USP8: variants seen among roughly 807,000 people sequenced by gnomAD.
USP8 encodes the protein ubiquitin specific peptidase 8, also known as ubiquitin carboxyl-terminal hydrolase 8.
Under a neutral mutation model 130.0 loss-of-function variants are expected in USP8, and 27 were observed. The ratio of observed to expected loss-of-function variants is 0.21; its 90% confidence interval spans 0.15 to 0.29. USP8 has a LOEUF of 0.29. Among genes scored for constraint, USP8 ranks in the 10% least tolerant of loss-of-function variants. USP8 has a pLI of 1.00. For synonymous variants in USP8, 392 were observed against 444.1 expected (o/e 0.88, Z 1.48); for missense variants, 1,029 against 1,312.2 (o/e 0.78, Z 3.33).
chr15:50,442,363 C>A (rs1567604278), intron 3 of USP8, among the ~76,000 whole-genome samples: 1 of 151,980 alleles, frequency 6.6e-6, no homozygotes, highest in African/African-American at 2.4e-5. Context: ...ATAGGGAGGG[C>A]AGGGGCAATA....
chr15:50,452,946 C>G (rs1167976130), intron 4 of USP8, among the ~76,000 whole-genome samples: 1 of 152,180 alleles, frequency 6.6e-6, no homozygotes, highest in Admixed American at 6.5e-5. Flanking sequence ...AAAACAGTTG[C>G]ATAATTTTGC....
intron 10 of USP8, among the ~76,000 whole-genome samples, chr15:50,477,771 G>A (rs2051616000): frequency 6.6e-6 from 1 of 151,464 alleles, no homozygotes; most frequent in South Asian, 2.1e-4. Context: ...AACCCAGGAA[G>A]CGGAGGTTGC....
rs774086658 is a variant in USP8, at chr15:50,484,270, T to TA, written c.1804-4dup. 5.6e-6 allele frequency: 9 copies of TA among 1,603,042 alleles called. No individual in the cohort carries two copies. Among genetic ancestry groups the TA allele is most frequent in the Admixed American group, 1.7e-5 (1 of 57,614 alleles). On this transcript the variant is annotated splice_region_variant and splice_polypyrimidine_tract_variant and intron_variant, in intron 11 of 19. Transcript: ENST00000307179. ...TTCACTTCTGTAATTTTAATAATTT[T>TA]ACAGCCATTTAAGATTAAAGGACAA... is the stretch of plus-strand genomic sequence containing the variant.
At position 50,482,076 on chromosome 15, in the gene USP8, A is replaced by G; in HGVS notation, c.1803+11A>G. 1 of 1,476,670 alleles carries G rather than the reference A, an allele frequency of 6.8e-7. No individual in the cohort carries two copies. Among genetic ancestry groups the G allele is most frequent in the South Asian group, 1.5e-5 (1 of 66,662 alleles). 91.5% of individuals were successfully genotyped at this position (1,476,670 alleles called of 1,614,324 possible). On this transcript the variant is annotated intron_variant, in intron 11 of 19. Transcript: ENST00000307179. The stretch of plus-strand genomic sequence containing the variant: ...TCAGGTTCAGGCAAGGTAAGCAGAA[A>G]CAGTACAAATTGCCAACGAAGTGAA...
At chr15:50,441,133 T>G (rs1050603969) in intron 2 of USP8, among the ~76,000 whole-genome samples, 5 of 151,854 alleles carry the variant, frequency 3.3e-5, no homozygotes, top group African/African-American at 9.7e-5. Context: ...ATGCGAGCAA[T>G]GGGGAGTGAC....
intron 1 of USP8, among the ~76,000 whole-genome samples, chr15:50,430,415 C>T (rs4775886): frequency 0.14 from 21,143 of 151,878 alleles, 1,963 homozygotes; most frequent in Middle Eastern, 0.28. Flanking sequence ...TCTAAGACTC[C>T]CCCAATTAGA....
At chr15:50,493,770 G>T (rs959583251) in intron 15 of USP8, 60 of 473,856 alleles carry the variant, frequency 1.3e-4, no homozygotes, top group Middle Eastern at 5.4e-4. Flanking sequence ...AGCCTTCTCT[G>T]ATTAGTAAAG....
At chr15:50,464,052 A>C (rs1272168293) in intron 6 of USP8, among the ~76,000 whole-genome samples, 1 of 152,164 alleles carries the variant, frequency 6.6e-6, no homozygotes, top group East Asian at 1.9e-4. Context: ...ACAATTGGCA[A>C]ATTTTTCTTA....
In USP8 at chr15:50,480,243, A is replaced by T. The variant is rs77598376; in HGVS notation, c.1219-1238A>T. ...GTTAAATTGAGGTAATAAACATTTA[A>T]CTCATTAAATCAGGAACTTAGGTAG... On this transcript the variant is annotated intron_variant, in intron 10 of 19. Coordinates refer to ENST00000307179, the MANE Select transcript of USP8 (RefSeq NM_005154.5). Among the ~76,000 whole-genome samples, 867 of 152,230 alleles carry T rather than the reference A, an allele frequency of 5.7e-3. 8 individuals are homozygous for T. The highest frequency in any genetic ancestry group is 0.02 in the African/African-American group (835 of 41,548).
chr15:50,435,684 G>A (rs911906657), intron 1 of USP8, among the ~76,000 whole-genome samples: 4 of 152,046 alleles, frequency 2.6e-5, no homozygotes, highest in Non-Finnish European at 5.9e-5. Context: ...CTTAAGTGAC[G>A]GTATAACTTA....
At chr15:50,433,889 G>A (rs1414833090) in intron 1 of USP8, among the ~76,000 whole-genome samples, 26 of 152,358 alleles carry the variant, frequency 1.7e-4, no homozygotes, top group South Asian at 2.1e-4. Context: ...ACAGGCGTGA[G>A]CCACTGTGCA....
At chr15:50,489,949 C>A in intron 13 of USP8, 68 bp downstream of exon 13, 2 of 1,302,478 alleles carry the variant, frequency 1.5e-6, no homozygotes, top group Non-Finnish European at 2.1e-6. Context: ...GTTTATTTTA[C>A]ATCTTCTGTA....
At position 50,498,921 on chromosome 15, in the gene USP8, G is replaced by C. The variant is rs1267260385; in HGVS notation, c.3190G>C (p.Asp1064His). The change falls in exon 20 of 20, where the codon GAT becomes CAT. Residue 1064 changes from aspartate to histidine, a missense_variant. Asp to His is a moderately conservative substitution (Grantham distance 81). Coordinates refer to ENST00000307179, the MANE Select transcript of USP8 (RefSeq NM_005154.5). ...FSVSNHYGGL[D>H]GGHYTAYCKN... ...GGCACAGAATCACTACGGTGGGCTG[G>C]ATGGAGGCCACTACACAGCCTATTG... The C allele has an allele frequency of 1.9e-6, 3 of 1,611,206 alleles. No homozygotes were observed. The Admixed American group carries it at 5.0e-5, about 27-fold the overall frequency.
intron 4 of USP8, among the ~76,000 whole-genome samples, chr15:50,456,982 C>T (rs540946496): frequency 9.0e-4 from 137 of 152,332 alleles, no homozygotes; most frequent in African/African-American, 3.0e-3. Context: ...AGGAATAGCA[C>T]AGCTTTGTGT....
intron 7 of USP8, among the ~76,000 whole-genome samples, chr15:50,470,679 T>C (rs975067466): frequency 3.3e-5 from 5 of 151,110 alleles, no homozygotes; most frequent in African/African-American, 1.2e-4. Context: ...CTTGGCTCAC[T>C]GCAGCCTCCG....
intron 4 of USP8, among the ~76,000 whole-genome samples, chr15:50,451,540 A>G (rs2050629042): frequency 6.6e-6 from 1 of 152,250 alleles, no homozygotes; most frequent in African/African-American, 2.4e-5. Context: ...GTTGCTAAAT[A>G]ACCTCTGGGT....
At chr15:50,489,666 A>G (rs2052088053) in intron 12 of USP8, 135 bp from the exon 13 acceptor site, 1 of 459,826 alleles carries the variant, frequency 2.2e-6, no homozygotes, top group Non-Finnish European at 3.7e-6. Flanking sequence ...GTTTTTTAAA[A>G]TATGAAGGGC....
Position 50,449,489 on chromosome 15 carries a change from C to A in USP8, c.335+4C>A. The A allele has an allele frequency of 6.5e-7, 1 of 1,527,280 alleles. No individual in the cohort carries two copies. The highest frequency in any genetic ancestry group is 1.3e-5 in the South Asian group (1 of 78,310). The allele number at this position is 1,527,280 out of a possible 1,614,324, so 94.6% of individuals were successfully genotyped here. The stretch of plus-strand genomic sequence containing the variant: ...TCTCTGAAAGCCTTAAATTAAGGTA[C>A]AGATATTATGAAATATTTAAAATAA... On this transcript the variant is annotated splice_donor_region_variant and intron_variant, in intron 4 of 19. Transcript: ENST00000307179.
rs1220491966 is a variant in USP8 at position 50,510,968 on chromosome 15, C to A, written c.*11880C>A. On this transcript the variant is annotated 3_prime_UTR_variant, in exon 20 of 20. Transcript: ENST00000307179. ...ATTTTTTTTGTATTTTTAGTAGAGA[C>A]GGGGTTTCACCGTGTTAGCCAGGAT... 2.0e-5 allele frequency: 3 copies of A among 152,034 alleles called. No individual in the cohort carries two copies. Among genetic ancestry groups the A allele is most frequent in the Non-Finnish European group, 4.4e-5 (3 of 68,028 alleles). 9.4% of individuals were successfully genotyped at this position (152,034 alleles called of 1,614,324 possible). A position where few individuals can be genotyped will look rare whatever the true frequency, so the allele number is the denominator to read the frequency against.
Sources: allele counts gnomAD v4.1 joint callset (sites outside exome capture counted in the v4.1 genomes callset), GRCh38; gene constraint gnomAD v4.1.1; transcripts MANE v1.5; gene names NCBI Gene and HGNC (gene_info 2026-07-23, HGNC 2026-07-21).